Variants in MAF observed in about 807,000 individuals in gnomAD.
MAF encodes the protein MAF bZIP transcription factor.
MAF carries 10 observed loss-of-function variants against 22.0 expected under a neutral mutation model. That is an observed-to-expected ratio of 0.45 (90% CI 0.28 to 0.77). The LOEUF is 0.77. MAF is among the 30% of genes least tolerant of loss of function. The probability of loss-of-function intolerance (pLI) is 0.12; values close to 1 mark genes in which losing one functional copy is unlikely to be tolerated. For missense variants in MAF, 544 were observed against 548.4 expected, an observed-to-expected ratio of 0.99 and a Z score of 0.08; for synonymous variants, 337 against 255.8, an observed-to-expected ratio of 1.32 and a Z score of -3.03.
chr16:79,474,145 G>A, the MAF span, among the ~76,000 whole-genome samples: 3 of 152,244 alleles, frequency 2.0e-5, no homozygotes, highest in African/African-American at 7.2e-5. Flanking sequence ...AGGAGGTGGA[G>A]GGATAACCTA....
Position 79,596,808 on chromosome 16 carries a change from C to G in MAF, c.1118+1977G>C, listed in dbSNP as rs979451894. 6.7e-6 allele frequency: 7 copies of G among 1,048,532 alleles called. No homozygotes were observed. The African/African-American group carries it at 8.3e-5, about 12-fold the overall frequency. 65.0% of individuals were successfully genotyped at this position (1,048,532 alleles called of 1,614,324 possible). On this transcript the variant is annotated intron_variant, in intron 1 of 1. Transcript: ENST00000326043. ...CACCACAATACAACTGTAAAAAAATCTGCATCATCTTAAAACTGTGCAGTA... is the reference window on the plus strand; with the variant it reads ...CACCACAATACAACTGTAAAAAAATGTGCATCATCTTAAAACTGTGCAGTA...
chr16:79,569,299 C>T, the MAF span, among the ~76,000 whole-genome samples: 1 of 152,146 alleles, frequency 6.6e-6, no homozygotes, highest in Admixed American at 6.5e-5. Context: ...GTCTTGGCAA[C>T]CAAAAATGCC....
chr16:79,220,433 T>C, the MAF span, among the ~76,000 whole-genome samples: 1 of 152,110 alleles, frequency 6.6e-6, no homozygotes, highest in African/African-American at 2.4e-5. Context: ...TAGTTTTCAT[T>C]TTATATAGTT....
At chr16:79,330,723 G>T in the MAF span, among the ~76,000 whole-genome samples, 4 of 152,194 alleles carry the variant, frequency 2.6e-5, no homozygotes, top group African/African-American at 9.7e-5. Context: ...TTACAAATTT[G>T]AGGCATGAAC....
chr16:79,546,244 T>C, the MAF span, among the ~76,000 whole-genome samples: 1 of 152,146 alleles, frequency 6.6e-6, no homozygotes, highest in African/African-American at 2.4e-5. Context: ...CCAGTCATCT[T>C]AATTTAAACA....
the MAF span, among the ~76,000 whole-genome samples, chr16:79,327,860 T>C: frequency 6.6e-6 from 1 of 152,252 alleles, no homozygotes; most frequent in Non-Finnish European, 1.5e-5. Flanking sequence ...CATTCATTCC[T>C]ATGTAAATAT....
chr16:79,568,912 G>A, the MAF span, among the ~76,000 whole-genome samples: 33 of 152,318 alleles, frequency 2.2e-4, no homozygotes, highest in Admixed American at 8.5e-4. Context: ...AGAACACTGA[G>A]TCTGTTACTG....
At chr16:79,349,003 C>T in the MAF span, among the ~76,000 whole-genome samples, 1 of 152,188 alleles carries the variant, frequency 6.6e-6, no homozygotes, top group Admixed American at 6.5e-5. Context: ...CCTGGTCCCT[C>T]CATTGCTCTT....
At chr16:79,315,411 A>T in the MAF span, among the ~76,000 whole-genome samples, 5 of 152,200 alleles carry the variant, frequency 3.3e-5, no homozygotes, top group Non-Finnish European at 7.3e-5. Context: ...TGATTATACA[A>T]ATTTTAATTA....
chr16:79,346,481 G>T, the MAF span, among the ~76,000 whole-genome samples: 7 of 151,970 alleles, frequency 4.6e-5, no homozygotes, highest in Non-Finnish European at 8.8e-5. Context: ...GAAAAAGGGC[G>T]TCATTCTTTG....
chr16:79,313,574 T>C, the MAF span, among the ~76,000 whole-genome samples: 1 of 152,218 alleles, frequency 6.6e-6, no homozygotes, highest in African/African-American at 2.4e-5. Flanking sequence ...GTCAGTCCCC[T>C]GTCTCTGTCT....
downstream of MAF, among the ~76,000 whole-genome samples, chr16:79,589,910 C>T (rs1271589788): frequency 6.6e-6 from 1 of 152,148 alleles, no homozygotes; most frequent in Admixed American, 6.5e-5. Flanking sequence ...GCGTTGCTGG[C>T]GTCTGAGCGC....
chr16:79,286,219 G>A, the MAF span, among the ~76,000 whole-genome samples: 1 of 152,126 alleles, frequency 6.6e-6, no homozygotes, highest in Non-Finnish European at 1.5e-5. Flanking sequence ...AAACCGTTTA[G>A]AATTTACAGC....
chr16:79,379,079 G>C, the MAF span, among the ~76,000 whole-genome samples: 1 of 152,214 alleles, frequency 6.6e-6, no homozygotes, highest in Non-Finnish European at 1.5e-5. Flanking sequence ...AAGATCAAGA[G>C]TCAGCTTGTG....
chr16:79,371,247 C>A, the MAF span, among the ~76,000 whole-genome samples: 4 of 152,062 alleles, frequency 2.6e-5, no homozygotes, highest in Non-Finnish European at 4.4e-5. Flanking sequence ...TACACAGAGG[C>A]TCCCAGAGTA....
chr16:79,353,381 G>A, the MAF span, among the ~76,000 whole-genome samples: 5 of 152,016 alleles, frequency 3.3e-5, no homozygotes, highest in Non-Finnish European at 7.4e-5. Context: ...CGCCTGCCTC[G>A]GCCTCCCAAA....
the MAF span, among the ~76,000 whole-genome samples, chr16:79,475,392 AAG>A: frequency 9.6e-6 from 1 of 103,628 alleles, no homozygotes; most frequent in Non-Finnish European, 2.4e-5. Context: ...GTATGCAAGA[AAG>A]AAGTAGATTT....
the MAF span, among the ~76,000 whole-genome samples, chr16:79,275,290 G>A: frequency 1.3e-5 from 2 of 152,198 alleles, no homozygotes; most frequent in African/African-American, 4.8e-5. Context: ...CAGGGAGGTT[G>A]CAGTGAGATT....
At chr16:79,212,821 G>C in the MAF span, 3 of 152,202 alleles carry the variant, frequency 2.0e-5, no homozygotes, top group African/African-American at 4.8e-5. Context: ...TCTTCTCTGA[G>C]TGAGTTTGTG....
Sources: gnomAD v4.1 joint callset for allele counts (sites outside exome capture counted in the v4.1 genomes callset) on GRCh38, gnomAD v4.1.1 for gene constraint, MANE v1.5 for transcripts, NCBI Gene and HGNC (gene_info 2026-07-23, HGNC 2026-07-21) for gene names.